ZNRF1: variants seen among roughly 807,000 people sequenced by gnomAD.
ZNRF1 encodes E3 ubiquitin-protein ligase ZNRF1.
A neutral mutation model predicts 18.4 loss-of-function variants in ZNRF1; 3 were observed. That is an observed-to-expected ratio of 0.16 (90% CI 0.07 to 0.42). The LOEUF (loss-of-function observed/expected upper bound fraction) is 0.42. Ranked by LOEUF, ZNRF1 falls within the 10% of genes least tolerant of loss-of-function variation. The pLI is 0.99. For synonymous variants in ZNRF1, 157 were observed against 144.2 expected (o/e 1.09, Z -0.64); for missense variants, 310 against 329.8 (o/e 0.94, Z 0.47).
Position 75,107,976 on chromosome 16 carries a change from C to T in ZNRF1, c.*276C>T. 2.8e-6 allele frequency: 1 copy of T among 351,698 alleles called. No individual in the cohort carries two copies. Among genetic ancestry groups the T allele is most frequent in the South Asian group, 2.1e-5 (1 of 48,236 alleles). 21.8% of individuals were successfully genotyped at this position (351,698 alleles called of 1,614,324 possible). On this transcript the variant is annotated 3_prime_UTR_variant, in exon 5 of 5. Coordinates refer to ENST00000335325, the MANE Select transcript of ZNRF1 (RefSeq NM_032268.5). Reference sequence around the variant, plus strand: ...CATTTTCTTTTTCATCTTTGAAAGGCATTGTGGGTCTGTCTTTAAAGTGTT... The same window carrying T: ...CATTTTCTTTTTCATCTTTGAAAGGTATTGTGGGTCTGTCTTTAAAGTGTT...
chr16:75,006,737 C>A (rs1567463244), intron 1 of ZNRF1, among the ~76,000 whole-genome samples: 1 of 152,156 alleles, frequency 6.6e-6, no homozygotes, highest in Non-Finnish European at 1.5e-5. Flanking sequence ...TGCCTGGCCA[C>A]CTCAGTCTTT....
chr16:75,065,345 C>A (rs1314300605), intron 1 of ZNRF1, among the ~76,000 whole-genome samples: 3 of 152,142 alleles, frequency 2.0e-5, no homozygotes, highest in African/African-American at 7.2e-5. Flanking sequence ...ACTACTGCCG[C>A]ACGGCAACTC....
chr16:75,080,590 TCA>T (rs1336070959), intron 1 of ZNRF1, among the ~76,000 whole-genome samples: 1 of 152,186 alleles, frequency 6.6e-6, no homozygotes, highest in Non-Finnish European at 1.5e-5. Context: ...AAAGTTTCCT[TCA>T]TTGTCCTTTT....
At chr16:75,048,255 T>A (rs2035541944) in intron 1 of ZNRF1, among the ~76,000 whole-genome samples, 1 of 152,086 alleles carries the variant, frequency 6.6e-6, no homozygotes, top group South Asian at 2.1e-4. Flanking sequence ...GCCCCTAATC[T>A]CCTATTCTCA....
chr16:75,042,384 G>A (rs889326706), intron 1 of ZNRF1, among the ~76,000 whole-genome samples: 8 of 149,742 alleles, frequency 5.3e-5, no homozygotes, highest in Non-Finnish European at 8.9e-5. Context: ...ACATATGTCT[G>A]TGTTCCATTT....
chr16:75,095,788 G>A, intron 2 of ZNRF1: 1 of 1,469,756 alleles, frequency 6.8e-7, no homozygotes, highest in East Asian at 2.5e-5. Flanking sequence ...GAACTGCCTG[G>A]GACGCCACCA....
chr16:75,062,492 G>C lies in ZNRF1; in HGVS notation c.425-31080G>C, dbSNP rs1038900153. Reference sequence around the variant, plus strand: ...CAAAGAGAGTGCAAATATGGACTGTGTCTTTACCTTTCCACAGCAGCTTTG... The same window carrying C: ...CAAAGAGAGTGCAAATATGGACTGTCTCTTTACCTTTCCACAGCAGCTTTG... On this transcript the variant is annotated intron_variant, in intron 1 of 4. Coordinates refer to ENST00000335325, the MANE Select transcript of ZNRF1 (RefSeq NM_032268.5). Among the ~76,000 whole-genome samples, 3 of 152,254 alleles carry C rather than the reference G, an allele frequency of 2.0e-5. No homozygotes were observed. In the South Asian group the frequency reaches 6.2e-4, roughly 31 times the overall value.
rs2036343211 is a variant in ZNRF1 at position 75,108,517 on chromosome 16, CTA to C, written c.*819_*820del. ...GTACAGCTACCCCTGTTTTCAGGCA[CTA>C]TGTTTGAGAACATTTTAGCCATTGA... is the stretch of plus-strand genomic sequence containing the variant. On this transcript the variant is annotated 3_prime_UTR_variant, in exon 5 of 5. Coordinates refer to ENST00000335325, the MANE Select transcript of ZNRF1 (RefSeq NM_032268.5). The C allele has an allele frequency of 2.5e-6, 1 of 398,416 alleles. No individual in the cohort carries two copies. Among genetic ancestry groups the C allele is most frequent in the Admixed American group, 4.4e-5 (1 of 22,680 alleles). 24.7% of individuals were successfully genotyped at this position (398,416 alleles called of 1,614,324 possible).
intron 1 of ZNRF1, among the ~76,000 whole-genome samples, chr16:75,026,244 T>C (rs1028920785): frequency 6.6e-6 from 1 of 152,154 alleles, no homozygotes; most frequent in African/African-American, 2.4e-5. Context: ...AAGAAAAACA[T>C]TCTAAGGTTA....
At chr16:75,088,810 A>G (rs1025326166) in intron 1 of ZNRF1, among the ~76,000 whole-genome samples, 1 of 152,238 alleles carries the variant, frequency 6.6e-6, no homozygotes, top group African/African-American at 2.4e-5. Flanking sequence ...GTCCATAGTA[A>G]TGACTCAATA....
Position 75,044,130 on chromosome 16 carries a change from T to G in ZNRF1, c.424+44035T>G, listed in dbSNP as rs2035484903. On this transcript the variant is annotated intron_variant, in intron 1 of 4. Transcript: ENST00000335325. ...GCCCAGCTGCTTTGTACTTTTAAAATGTGATCTTGACTTTCAGAATTTAAA... is the reference window on the plus strand; with the variant it reads ...GCCCAGCTGCTTTGTACTTTTAAAAGGTGATCTTGACTTTCAGAATTTAAA... Among the ~76,000 whole-genome samples the G allele has an allele frequency of 2.0e-5, 3 of 152,000 alleles. No individual in the cohort carries two copies. The South Asian group carries it at 6.2e-4, about 31-fold the overall frequency.
intron 1 of ZNRF1, among the ~76,000 whole-genome samples, chr16:75,044,948 C>A (rs1170247338): frequency 6.6e-6 from 1 of 152,180 alleles, no homozygotes; most frequent in African/African-American, 2.4e-5. Context: ...TCTAATGTTG[C>A]ATAATACTTC....
chr16:75,091,149 A>G (rs1340081772), intron 1 of ZNRF1, among the ~76,000 whole-genome samples: 1 of 152,174 alleles, frequency 6.6e-6, no homozygotes, highest in Non-Finnish European at 1.5e-5. Flanking sequence ...ATCTGAGGTC[A>G]GGCATTTGAG....
intron 1 of ZNRF1, among the ~76,000 whole-genome samples, chr16:75,091,306 C>A (rs923833775): frequency 6.7e-6 from 1 of 148,150 alleles, no homozygotes; most frequent in Non-Finnish European, 1.5e-5. Flanking sequence ...TTGCAGTGAG[C>A]GGAGATCGTG....
chr16:75,060,473 CTTTTTTTTTTTTT>C (rs34182819), intron 1 of ZNRF1, among the ~76,000 whole-genome samples: 6 of 70,246 alleles, frequency 8.5e-5, no homozygotes, highest in African/African-American at 3.4e-4. Flanking sequence ...CTCAGAAAAT[CTTTTTTTTTTTTT>C]TTTTTTTTTT....
chr16:75,005,104 G>A (rs1054664288), intron 1 of ZNRF1, among the ~76,000 whole-genome samples: 5 of 152,148 alleles, frequency 3.3e-5, no homozygotes, highest in Non-Finnish European at 7.3e-5. Context: ...GAAGTAATGG[G>A]CCTTCACATG....
intron 2 of ZNRF1, among the ~76,000 whole-genome samples, chr16:75,097,703 A>G (rs563219789): frequency 5.5e-4 from 84 of 152,280 alleles, no homozygotes; most frequent in African/African-American, 1.8e-3. Context: ...TGTAGTTCCA[A>G]CTTCTCAGGA....
At chr16:75,068,863 T>G (rs536234349) in intron 1 of ZNRF1, among the ~76,000 whole-genome samples, 22 of 151,876 alleles carry the variant, frequency 1.4e-4, no homozygotes, top group Non-Finnish European at 2.9e-5. Flanking sequence ...ATTCCCTTAC[T>G]TGTCTGAGTC....
At chr16:75,081,913 A>G (rs1369444924) in intron 1 of ZNRF1, among the ~76,000 whole-genome samples, 1 of 152,236 alleles carries the variant, frequency 6.6e-6, no homozygotes, top group Non-Finnish European at 1.5e-5. Context: ...CTGAGTCATA[A>G]TTAAATGCCC....
Sources: gnomAD v4.1 joint callset for allele counts (sites outside exome capture counted in the v4.1 genomes callset) on GRCh38, gnomAD v4.1.1 for gene constraint, MANE v1.5 for transcripts, NCBI Gene and HGNC (gene_info 2026-07-23, HGNC 2026-07-21) for gene names.